The following CNKSR2 variants were observed in gnomAD, a reference collection of about 807,000 sequenced individuals.
CNKSR2 encodes CNK homolog protein 2.
Under a neutral mutation model 84.4 loss-of-function variants are expected in CNKSR2, and 14 were observed. The observed-to-expected ratio is 0.17, with a 90% CI of 0.11 to 0.26. The LOEUF (loss-of-function observed/expected upper bound fraction) is 0.26, where lower values mean the gene tolerates loss of function less well. Ranked by LOEUF, CNKSR2 falls within the 10% of genes least tolerant of loss-of-function variation. CNKSR2 has a pLI of 1.00. For missense variants in CNKSR2, 485 were observed against 771.2 expected (o/e 0.63, Z 4.40); for synonymous variants, 275 against 277.9 (o/e 0.99, Z 0.10).
chrX:21,453,294 G>A (rs1162977337), intron 4 of CNKSR2, among the ~76,000 whole-genome samples: 1 of 111,604 alleles, frequency 9.0e-6, no homozygotes, highest in Non-Finnish European at 1.9e-5. Flanking sequence ...TATATACTTT[G>A]CTATACATAT....
intron 11 of CNKSR2, among the ~76,000 whole-genome samples, chrX:21,550,994 G>A (rs1202158841): frequency 9.4e-6 from 1 of 106,411 alleles, no homozygotes; most frequent in African/African-American, 3.5e-5. Flanking sequence ...CGAGACCGTT[G>A]CACTCCAGCC....
At chrX:21,488,369 A>G (rs1460766322) in intron 5 of CNKSR2, among the ~76,000 whole-genome samples, 1 of 111,816 alleles carries the variant, frequency 8.9e-6, no homozygotes, top group Non-Finnish European at 1.9e-5. Flanking sequence ...AGTAATCTTT[A>G]TTAGCTCATT....
intron 11 of CNKSR2, among the ~76,000 whole-genome samples, chrX:21,543,538 A>G (rs1276078158): frequency 8.9e-6 from 1 of 112,440 alleles, no homozygotes; most frequent in East Asian, 2.8e-4. Flanking sequence ...TTTCTATTGT[A>G]AAACTTGGAG....
At chrX:21,445,675 C>T (rs2090844236) in intron 4 of CNKSR2, among the ~76,000 whole-genome samples, 1 of 111,679 alleles carries the variant, frequency 9.0e-6, no homozygotes, top group Non-Finnish European at 1.9e-5. Flanking sequence ...TTTTAGCTTT[C>T]GCATATGAGT....
chrX:21,394,212 C>A (rs2090089921), intron 1 of CNKSR2, among the ~76,000 whole-genome samples: 1 of 111,986 alleles, frequency 8.9e-6, no homozygotes, highest in Non-Finnish European at 1.9e-5. Context: ...GAATTTATTA[C>A]TGTACAGGAT....
intron 11 of CNKSR2, among the ~76,000 whole-genome samples, chrX:21,556,853 T>C (rs1315815125): frequency 9.1e-6 from 1 of 109,594 alleles, no homozygotes; most frequent in Non-Finnish European, 1.9e-5. Flanking sequence ...GTGAGGAGAG[T>C]TACTTTTTAA....
At chrX:21,505,249 G>C (rs2091601015) in intron 8 of CNKSR2, 1 of 113,102 alleles carries the variant, frequency 8.8e-6, no homozygotes, top group African/African-American at 3.2e-5. Flanking sequence ...ACAACATTTG[G>C]AAGTTTTTCC....
intron 12 of CNKSR2, among the ~76,000 whole-genome samples, chrX:21,562,919 C>G (rs1266077660): frequency 9.0e-6 from 1 of 111,277 alleles, no homozygotes; most frequent in Non-Finnish European, 1.9e-5. Flanking sequence ...GATTCAAGTT[C>G]CAGAGGTGAT....
intron 11 of CNKSR2, among the ~76,000 whole-genome samples, chrX:21,536,791 T>G (rs1424555033): frequency 1.8e-5 from 2 of 108,944 alleles, no homozygotes; most frequent in African/African-American, 6.7e-5. Context: ...TGTTTACCCT[T>G]CAAAAAATCA....
chrX:21,606,598 C>T (rs1049465258), intron 18 of CNKSR2, 181 bp from the exon 19 acceptor site: 20 of 351,373 alleles, frequency 5.7e-5, no homozygotes, highest in African/African-American at 3.7e-4. Flanking sequence ...TGTACACTTA[C>T]TTTCTCCTCA....
intron 11 of CNKSR2, chrX:21,532,311 T>TA (rs2091893379): frequency 1.3e-5 from 3 of 224,478 alleles, no homozygotes; most frequent in Admixed American, 6.8e-5. Flanking sequence ...TAATGATTTA[T>TA]AAAAATCTTT....
At chrX:21,459,843 G>A (rs1031052767) in intron 4 of CNKSR2, among the ~76,000 whole-genome samples, 1 of 110,715 alleles carries the variant, frequency 9.0e-6, no homozygotes, top group Non-Finnish European at 1.9e-5. Flanking sequence ...TCCTCACATT[G>A]TCTTTTTCAA....
chrX:21,596,577 C>T (rs930233399), intron 17 of CNKSR2, among the ~76,000 whole-genome samples: 8 of 110,931 alleles, frequency 7.2e-5, no homozygotes, highest in African/African-American at 2.6e-4. Flanking sequence ...TGTATAGCTG[C>T]ATAAATTTGC....
chrX:21,581,469 C>T (rs755825102), intron 13 of CNKSR2, among the ~76,000 whole-genome samples: 1 of 111,881 alleles, frequency 8.9e-6, no homozygotes, highest in South Asian at 3.8e-4. Flanking sequence ...GTGTATCACT[C>T]CAACTGATTT....
intron 20 of CNKSR2, among the ~76,000 whole-genome samples, chrX:21,634,532 G>A (rs1395010964): frequency 9.0e-6 from 1 of 111,320 alleles, no homozygotes; most frequent in Non-Finnish European, 1.9e-5. Context: ...ATTGATGGAG[G>A]AAAATCAATA....
chrX:21,594,031 A>G (rs1289525938), intron 15 of CNKSR2: 2 of 111,878 alleles, frequency 1.8e-5, no homozygotes, highest in Non-Finnish European at 1.9e-5. Flanking sequence ...GTGAATGTTC[A>G]TTGCAGCACT....
At chrX:21,569,626 A>G (rs1319422731) in intron 13 of CNKSR2, among the ~76,000 whole-genome samples, 2 of 112,319 alleles carry the variant, frequency 1.8e-5, no homozygotes, top group South Asian at 7.4e-4. Context: ...TCTTAATGGC[A>G]TCTAGAATAG....
intron 18 of CNKSR2, among the ~76,000 whole-genome samples, chrX:21,603,313 A>G (rs960395574): frequency 3.6e-5 from 4 of 112,258 alleles, no homozygotes; most frequent in African/African-American, 9.7e-5. Context: ...TACCTCCTGA[A>G]TGATTAGGTT....
At chrX:21,631,591 G>C (rs1333617311) in intron 20 of CNKSR2, among the ~76,000 whole-genome samples, 1 of 111,772 alleles carries the variant, frequency 8.9e-6, no homozygotes, top group Non-Finnish European at 1.9e-5. Context: ...GATATATTGT[G>C]TGTTTCTGTG....
Sources: gnomAD v4.1 joint callset for allele counts (sites outside exome capture counted in the v4.1 genomes callset) on GRCh38, gnomAD v4.1.1 for gene constraint, MANE v1.5 for transcripts, NCBI Gene and HGNC (gene_info 2026-07-23, HGNC 2026-07-21) for gene names.